Variants in EDRF1 observed in about 807,000 individuals in gnomAD.
The protein encoded by EDRF1 is erythroid differentiation regulatory factor 1.
Under a neutral mutation model 148.7 loss-of-function variants are expected in EDRF1, and 69 were observed. The observed-to-expected ratio is 0.46, with a 90% CI of 0.38 to 0.57. The LOEUF (loss-of-function observed/expected upper bound fraction) is 0.57. EDRF1 is among the 20% of genes least tolerant of loss of function. The pLI is 0.00. For missense variants in EDRF1, 1,118 were observed against 1,478.7 expected, an observed-to-expected ratio of 0.76 and a Z score of 4.00; for synonymous variants, 515 against 532.8, an observed-to-expected ratio of 0.97 and a Z score of 0.46.
rs569354415 is a variant in EDRF1, at chr10:125,720,925, C to T, written c.109-279C>T. On this transcript the variant is annotated intron_variant, in intron 1 of 24. Transcript: ENST00000356792. ...AGTCTCCTTGGTTTCTGCTTCTCCA[C>T]TTTACATGAATACATTTTAAAAGAG... 1.3e-4 allele frequency among the ~76,000 whole-genome samples: 20 copies of T among 152,220 alleles called. No homozygotes were observed. In the South Asian group the frequency reaches 1.5e-3, roughly 11 times the overall value.
intron 22 of EDRF1, chr10:125,751,959 A>C (rs1849665459): frequency 6.6e-6 from 1 of 152,266 alleles, no homozygotes. Context: ...GTATCAATCA[A>C]TACATGTACA....
chr10:125,723,209 C>T (rs1162561063), intron 3 of EDRF1, 75 bp downstream of exon 3: 1 of 1,296,608 alleles, frequency 7.7e-7, no homozygotes, highest in Non-Finnish European at 1.1e-6. Context: ...CTGTGTTTTG[C>T]ATAATATAAA....
intron 4 of EDRF1, 99 bp from the exon 5 acceptor site, chr10:125,725,219 A>G: frequency 7.2e-7 from 1 of 1,388,154 alleles, no homozygotes; most frequent in Non-Finnish European, 1.0e-6. Context: ...TTATGAAACT[A>G]TTCAAAAAAT....
At chr10:125,757,944 TCTC>T (rs1350047896) in intron 24 of EDRF1, among the ~76,000 whole-genome samples, 12 of 152,224 alleles carry the variant, frequency 7.9e-5, no homozygotes, top group Admixed American at 2.6e-4. Context: ...TTCCATTCTC[TCTC>T]CTCCTCTGTA....
chr10:125,739,586 T>C (rs1848909610), intron 15 of EDRF1, among the ~76,000 whole-genome samples: 1 of 152,230 alleles, frequency 6.6e-6, no homozygotes, highest in Non-Finnish European at 1.5e-5. Flanking sequence ...TCACAGATGA[T>C]GCTTATATCA....
intron 14 of EDRF1, 80 bp downstream of exon 14, chr10:125,738,069 A>C: frequency 2.1e-6 from 3 of 1,454,336 alleles, no homozygotes; most frequent in Non-Finnish European, 2.9e-6. Context: ...TTGGTATCTA[A>C]ATGTTATTCT....
intron 5 of EDRF1, 50 bp downstream of exon 5, chr10:125,725,492 A>C: frequency 6.2e-7 from 1 of 1,608,834 alleles, no homozygotes; most frequent in African/African-American, 1.3e-5. Context: ...ATTCTGATCT[A>C]AAATTTAGTG....
chr10:125,742,276 T>TA (rs1849066103), intron 17 of EDRF1: 1 of 1,289,256 alleles, frequency 7.8e-7, no homozygotes, highest in African/African-American at 1.5e-5. Flanking sequence ...CCCTCCCTCT[T>TA]ACCTCAGCAC....
chr10:125,733,306 G>T (rs1473509937), intron 9 of EDRF1, 98 bp from the exon 10 acceptor site: 1 of 949,804 alleles, frequency 1.1e-6, no homozygotes, highest in African/African-American at 1.7e-5. Flanking sequence ...ATAGGTCTCT[G>T]TTTGCAGGAC....
In EDRF1 at chr10:125,763,272, A is replaced by G. The variant is rs1375761585; in HGVS notation, c.3546-29A>G. 3.7e-6 allele frequency: 6 copies of G among 1,603,164 alleles called. No homozygotes were observed. Among genetic ancestry groups the G allele is most frequent in the Non-Finnish European group, 5.1e-6 (6 of 1,175,974 alleles). Reference sequence around the variant, plus strand: ...TGTCGGTAGGCATTGCTGGTCCCTTACCTGTCTCTTTTTCTTTTTTAACCC... The same window carrying G: ...TGTCGGTAGGCATTGCTGGTCCCTTGCCTGTCTCTTTTTCTTTTTTAACCC... On this transcript the variant is annotated intron_variant, in intron 24 of 24. Transcript: ENST00000356792. The surrounding 1 kb of genome is among the most constrained non-coding windows in gnomAD (Gnocchi z 4.3).
At chr10:125,720,348 C>T (rs1847922571) in intron 1 of EDRF1, among the ~76,000 whole-genome samples, 2 of 152,144 alleles carry the variant, frequency 1.3e-5, no homozygotes, top group Non-Finnish European at 2.9e-5. Flanking sequence ...CAAGTGCAGG[C>T]TGTGAGGAAC....
At chr10:125,750,763 C>T (rs1284419585) in intron 22 of EDRF1, among the ~76,000 whole-genome samples, 6 of 152,136 alleles carry the variant, frequency 3.9e-5, no homozygotes, top group African/African-American at 1.4e-4. Flanking sequence ...TTTACTAAAA[C>T]TAATTTTTTG....
chr10:125,724,307 T>C (rs1313330141), intron 4 of EDRF1, among the ~76,000 whole-genome samples: 5 of 152,234 alleles, frequency 3.3e-5, no homozygotes, highest in Non-Finnish European at 7.3e-5. Context: ...TGAAAAATAT[T>C]AGAAGCTGTT....
intron 19 of EDRF1, chr10:125,746,907 C>A (rs1223012109): frequency 6.5e-6 from 1 of 152,856 alleles, no homozygotes; most frequent in African/African-American, 2.4e-5. Flanking sequence ...AAGATATGAG[C>A]ACTCATATAA....
At position 125,719,834 on chromosome 10, in the gene EDRF1, C is replaced by T. The variant is rs1355687826; in HGVS notation, c.27C>T (p.Ala9=). Residue 9 remains alanine, a synonymous_variant, in exon 1 of 25, where the codon GCC becomes GCT. Transcript: ENST00000356792. MGDAKEAG[A]EGPPAGAAAR... is the part of the protein sequence containing the mutation. Reference sequence around the variant, plus strand: ...TGGGGGATGCCAAGGAGGCCGGAGCCGAGGGTCCGCCGGCCGGGGCCGCCG... The same window carrying T: ...TGGGGGATGCCAAGGAGGCCGGAGCTGAGGGTCCGCCGGCCGGGGCCGCCG... 1.2e-6 allele frequency: 2 copies of T among 1,611,994 alleles called. No homozygotes were observed. Among genetic ancestry groups the T allele is most frequent in the Middle Eastern group, 1.7e-4 (1 of 6,058 alleles).
chr10:125,742,084 G>A (rs1009402532), intron 17 of EDRF1: 15 of 485,810 alleles, frequency 3.1e-5, no homozygotes, highest in Non-Finnish European at 5.2e-5. Context: ...CCTTTTGAAA[G>A]GTATAACAGT....
chr10:125,728,342 A>T (rs532353392), intron 6 of EDRF1, among the ~76,000 whole-genome samples: 1 of 152,190 alleles, frequency 6.6e-6, no homozygotes, highest in South Asian at 2.1e-4. Context: ...TTTAATATCA[A>T]TAAATATTGT....
chr10:125,737,381 G>C (rs1035845849), intron 13 of EDRF1, among the ~76,000 whole-genome samples: 1 of 152,142 alleles, frequency 6.6e-6, no homozygotes, highest in African/African-American at 2.4e-5. Context: ...ATGAGCTCCA[G>C]GGTCCCAGCT....
intron 9 of EDRF1, among the ~76,000 whole-genome samples, 197 bp from the exon 10 acceptor site, chr10:125,733,207 G>C (rs916408971): frequency 9.4e-4 from 143 of 152,304 alleles, no homozygotes; most frequent in Non-Finnish European, 2.9e-4. Context: ...ATAGTGAACT[G>C]CCCTTGCTGA....
Sources: gnomAD v4.1 joint callset for allele counts (sites outside exome capture counted in the v4.1 genomes callset) on GRCh38, gnomAD v4.1.1 for gene constraint, Gnocchi (gnomAD v3.1) non-coding constraint, MANE v1.5 for transcripts, NCBI Gene and HGNC (gene_info 2026-07-23, HGNC 2026-07-21) for gene names.